Variants in GNA12 observed in about 807,000 individuals in gnomAD.
GNA12 encodes G protein subunit alpha 12.
GNA12 carries 9 observed loss-of-function variants against 26.0 expected under a neutral mutation model. That is an observed-to-expected ratio of 0.35 (90% CI 0.21 to 0.60). The LOEUF (loss-of-function observed/expected upper bound fraction) is 0.60, where lower values mean the gene tolerates loss of function less well. Ranked by LOEUF, GNA12 falls within the 20% of genes least tolerant of loss-of-function variation. GNA12 has a pLI of 0.78. For missense variants in GNA12, 405 were observed against 525.8 expected, an observed-to-expected ratio of 0.77 and a Z score of 2.25; for synonymous variants, 264 against 219.6, an observed-to-expected ratio of 1.20 and a Z score of -1.79.
chr7:2,780,048 G>GTGTATGTGTATATATA (rs748113158), intron 2 of GNA12, among the ~76,000 whole-genome samples: 1 of 84,734 alleles, frequency 1.2e-5, no homozygotes, highest in Non-Finnish European at 2.2e-5. Flanking sequence ...ACATTTCTGT[G>GTGTATGTGTATATATA]TACATATATA....
intron 1 of GNA12, among the ~76,000 whole-genome samples, chr7:2,811,062 G>A (rs191594575): frequency 5.3e-5 from 8 of 152,282 alleles, no homozygotes; most frequent in East Asian, 3.9e-4. Flanking sequence ...TTCCTGAGTC[G>A]TCAAGTGAGG....
intron 1 of GNA12, among the ~76,000 whole-genome samples, chr7:2,797,886 A>G (rs1792716272): frequency 6.6e-6 from 1 of 152,214 alleles, no homozygotes; most frequent in Admixed American, 6.5e-5. Context: ...TCTGACCCCC[A>G]GAAACTCAGA....
At chr7:2,813,778 G>A (rs571165982) in intron 1 of GNA12, among the ~76,000 whole-genome samples, 3 of 152,298 alleles carry the variant, frequency 2.0e-5, no homozygotes, top group Admixed American at 1.3e-4. Flanking sequence ...TCCAGAAGGT[G>A]TGGACCACGG....
At chr7:2,741,016 G>C (rs899906108) in intron 2 of GNA12, among the ~76,000 whole-genome samples, 3 of 152,142 alleles carry the variant, frequency 2.0e-5, no homozygotes, top group Non-Finnish European at 4.4e-5. Flanking sequence ...CTGCACTCCT[G>C]CCTGGGCGAC....
intron 2 of GNA12, among the ~76,000 whole-genome samples, chr7:2,734,964 G>A (rs191960640): frequency 6.6e-6 from 1 of 152,232 alleles, no homozygotes; most frequent in African/African-American, 2.4e-5. Context: ...TCCCTTCCTC[G>A]CCAAGCCCCC....
chr7:2,755,380 T>C (rs1195690040), intron 2 of GNA12, among the ~76,000 whole-genome samples: 3 of 152,256 alleles, frequency 2.0e-5, no homozygotes, highest in Admixed American at 6.5e-5. Flanking sequence ...GAGTTTTCCA[T>C]GAACACGGCA....
chr7:2,735,115 T>TC (rs33969672), intron 2 of GNA12, among the ~76,000 whole-genome samples: 88,870 of 151,884 alleles, frequency 0.59, 26,287 homozygotes, highest in Admixed American at 0.63. Flanking sequence ...GTGCACTCAC[T>TC]CCCTGATTTA....
intron 1 of GNA12, among the ~76,000 whole-genome samples, chr7:2,836,881 G>A (rs994499112): frequency 7.2e-5 from 11 of 152,064 alleles, no homozygotes; most frequent in African/African-American, 1.9e-4. Flanking sequence ...CCAGGATTGC[G>A]CCACTGCACT....
intron 2 of GNA12, among the ~76,000 whole-genome samples, chr7:2,742,653 T>A (rs1790567844): frequency 6.6e-6 from 1 of 152,216 alleles, no homozygotes; most frequent in African/African-American, 2.4e-5. Context: ...CTACCCTCCC[T>A]GTCCCCGCAA....
At chr7:2,759,493 G>C (rs1791458763) in intron 2 of GNA12, among the ~76,000 whole-genome samples, 1 of 152,214 alleles carries the variant, frequency 6.6e-6, no homozygotes. Context: ...AGTTACTACT[G>C]TTTAGGAATA....
intron 2 of GNA12, among the ~76,000 whole-genome samples, chr7:2,758,080 G>A (rs1791387039): frequency 6.6e-6 from 1 of 152,164 alleles, no homozygotes; most frequent in Admixed American, 6.5e-5. Flanking sequence ...CCAACAGGAT[G>A]AGTCAGCAGC....
intron 2 of GNA12, among the ~76,000 whole-genome samples, chr7:2,740,864 G>A (rs1003378160): frequency 1.3e-5 from 2 of 152,190 alleles, no homozygotes; most frequent in African/African-American, 4.8e-5. Flanking sequence ...CTAGCATGGT[G>A]AAACCCTGCC....
At chr7:2,780,397 A>G (rs1379688999) in intron 2 of GNA12, among the ~76,000 whole-genome samples, 2 of 152,176 alleles carry the variant, frequency 1.3e-5, no homozygotes, top group African/African-American at 4.8e-5. Context: ...TTATAACAAT[A>G]TAGGAAAAAT....
Position 2,730,262 on chromosome 7 carries a change from T to C in GNA12, c.*919A>G, listed in dbSNP as rs894689278. On this transcript the variant is annotated 3_prime_UTR_variant, in exon 4 of 4. Transcript: ENST00000275364. ...GTGCTGCCAACTGTGTGTGAGCAGA[T>C]GACTTGCAGGAAGATGGGAGAGCCG... 1 of 152,464 alleles carries C rather than the reference T, an allele frequency of 6.6e-6. No homozygotes were observed. The highest frequency in any genetic ancestry group is 2.4e-5 in the African/African-American group (1 of 41,460). 9.4% of individuals were successfully genotyped at this position (152,464 alleles called of 1,614,324 possible). A position where few individuals can be genotyped will look rare whatever the true frequency, so the allele number is the denominator to read the frequency against.
chr7:2,826,670 T>C (rs879422304), intron 1 of GNA12, among the ~76,000 whole-genome samples: 21 of 152,098 alleles, frequency 1.4e-4, no homozygotes, highest in African/African-American at 4.3e-4. Flanking sequence ...TATTGCTAAG[T>C]GAAAGAAGCC....
chr7:2,740,326 AG>A (rs1790435757), intron 2 of GNA12, among the ~76,000 whole-genome samples: 2 of 152,246 alleles, frequency 1.3e-5, no homozygotes, highest in African/African-American at 4.8e-5. Flanking sequence ...AGGTGACTGA[AG>A]GTAGGGACCT....
intron 1 of GNA12, 87 bp downstream of exon 1, chr7:2,843,766 G>T: frequency 4.8e-6 from 3 of 620,420 alleles, no homozygotes; most frequent in Non-Finnish European, 5.0e-6. Context: ...GTCCCCGCCC[G>T]CGGCGGCGGA....
intron 1 of GNA12, among the ~76,000 whole-genome samples, chr7:2,804,136 A>C (rs548034456): frequency 8.6e-5 from 13 of 152,010 alleles, no homozygotes; most frequent in Non-Finnish European, 1.0e-4. Flanking sequence ...CAAACACACA[A>C]AATATCATTC....
intron 2 of GNA12, among the ~76,000 whole-genome samples, chr7:2,777,778 C>G (rs933228662): frequency 6.6e-6 from 1 of 152,186 alleles, no homozygotes; most frequent in Non-Finnish European, 1.5e-5. Flanking sequence ...ACTGTTATGG[C>G]AGCTCCAGCT....
Sources: allele counts gnomAD v4.1 joint callset (sites outside exome capture counted in the v4.1 genomes callset), GRCh38; gene constraint gnomAD v4.1.1; transcripts MANE v1.5; gene names NCBI Gene and HGNC (gene_info 2026-07-23, HGNC 2026-07-21).